DMD: variants seen among roughly 807,000 people sequenced by gnomAD.
DMD encodes dystrophin.
In DMD, 63 loss-of-function variants were observed where a neutral mutation model predicts 330.1. That is an observed-to-expected ratio of 0.19 (90% CI 0.16 to 0.24). The LOEUF (loss-of-function observed/expected upper bound fraction) is 0.24, where lower values mean the gene tolerates loss of function less well. Ranked by LOEUF, DMD falls within the 10% of genes least tolerant of loss-of-function variation. DMD has a pLI of 1.00. For missense variants in DMD, 3,344 were observed against 2,684.1 expected, an observed-to-expected ratio of 1.25 and a Z score of -5.43; for synonymous variants, 1,223 against 959.8, an observed-to-expected ratio of 1.27 and a Z score of -5.07.
At chrX:32,687,089 A>G (rs180736029) in intron 9 of DMD, among the ~76,000 whole-genome samples, 1 of 112,312 alleles carries the variant, frequency 8.9e-6, no homozygotes, top group East Asian at 2.8e-4. Flanking sequence ...CATTTGTGCT[A>G]GAAAGCAATT....
rs1347148305 is a variant in DMD at position 32,505,790 on chromosome X, A to C, written c.2293-3948T>G. ...TAGATGAATGGATAAATAAACTGTG[A>C]GACATCCAGACAATGGAATATTATT... On this transcript the variant is annotated intron_variant, in intron 18 of 78. Transcript: ENST00000357033. Among the ~76,000 whole-genome samples, 4 of 112,069 alleles carry C rather than the reference A, an allele frequency of 3.6e-5. No homozygotes were observed. In the East Asian group the frequency reaches 1.1e-3, roughly 31 times the overall value.
rs763195508 is a variant in DMD at position 32,717,715 on chromosome X, C to T, written c.650-18422G>A. On this transcript the variant is annotated intron_variant, in intron 7 of 78. Coordinates refer to ENST00000357033, the MANE Select transcript of DMD (RefSeq NM_004006.3). The stretch of plus-strand genomic sequence containing the variant: ...GTTTGCACCATACACCTGGAAAAGC[C>T]CCAGTCACTCAATGCCAGCCCATGA... 2.5e-3 allele frequency among the ~76,000 whole-genome samples: 276 copies of T among 110,972 alleles called. 3 individuals carry two copies. The highest frequency in any genetic ancestry group is 8.4e-3 in the African/African-American group (258 of 30,555).
intron 44 of DMD, among the ~76,000 whole-genome samples, chrX:32,171,601 T>G (rs112889549): frequency 0.095 from 10,551 of 111,078 alleles, 494 homozygotes; most frequent in African/African-American, 0.18. Flanking sequence ...CACTAAGAAT[T>G]CTCTGTAATG....
intron 33 of DMD, among the ~76,000 whole-genome samples, chrX:32,383,368 T>C (rs1369732654): frequency 9.0e-6 from 1 of 111,430 alleles, no homozygotes; most frequent in East Asian, 2.8e-4. Flanking sequence ...ATTCTGAAGA[T>C]GGTTAAAATA....
At chrX:32,803,754 C>A (rs182638050) in intron 7 of DMD, among the ~76,000 whole-genome samples, 34 of 112,233 alleles carry the variant, frequency 3.0e-4, no homozygotes, top group Non-Finnish European at 5.6e-4. Flanking sequence ...TGTTCAGCTT[C>A]CATGTAGTTG....
chrX:31,705,010 AG>A (rs768534718), intron 52 of DMD, among the ~76,000 whole-genome samples: 56 of 112,491 alleles, frequency 5.0e-4, no homozygotes, highest in African/African-American at 1.7e-3. Context: ...AAACTAAAAA[AG>A]AAAATTTTCA....
chrX:32,603,708 T>G (rs775108925), intron 12 of DMD, among the ~76,000 whole-genome samples: 7 of 110,984 alleles, frequency 6.3e-5, no homozygotes, highest in Admixed American at 1.9e-4. Flanking sequence ...CGAAAGATTA[T>G]CAGACTACTA....
intron 16 of DMD, among the ~76,000 whole-genome samples, chrX:32,559,529 G>A (rs996121607): frequency 1.8e-5 from 2 of 111,320 alleles, no homozygotes; most frequent in Admixed American, 9.6e-5. Flanking sequence ...AAGAAGAGAG[G>A]CAAACCATTT....
intron 45 of DMD, among the ~76,000 whole-genome samples, chrX:31,935,239 A>C (rs2094908869): frequency 1.8e-5 from 2 of 111,884 alleles, no homozygotes; most frequent in South Asian, 7.4e-4. Flanking sequence ...CCCTTACCAC[A>C]AACTGCACTC....
intron 43 of DMD, among the ~76,000 whole-genome samples, chrX:32,278,910 C>G (rs147891100): frequency 0.011 from 1,185 of 111,452 alleles, 13 homozygotes; most frequent in African/African-American, 0.037. Context: ...TGCAAATTAC[C>G]CATCTCACAA....
intron 16 of DMD, among the ~76,000 whole-genome samples, 191 bp from the exon 17 acceptor site, chrX:32,545,525 C>A (rs1253035562): frequency 8.9e-6 from 1 of 111,734 alleles, no homozygotes; most frequent in African/African-American, 3.2e-5. Context: ...ACTGAAATAG[C>A]AAGGGAAAGT....
chrX:31,858,099 G>T (rs974561524), intron 48 of DMD, among the ~76,000 whole-genome samples: 3 of 110,580 alleles, frequency 2.7e-5, no homozygotes, highest in Non-Finnish European at 5.7e-5. Flanking sequence ...ACTTTGCCTA[G>T]TAGATGATAG....
intron 52 of DMD, 72 bp from the exon 53 acceptor site, chrX:31,679,658 C>A: frequency 1.2e-6 from 1 of 866,040 alleles, no homozygotes. Flanking sequence ...ATGTAACTTC[C>A]AAACGTTATC....
At chrX:32,217,957 T>C (rs1603628508) in intron 43 of DMD, among the ~76,000 whole-genome samples, 1 of 111,925 alleles carries the variant, frequency 8.9e-6, no homozygotes, top group East Asian at 2.8e-4. Flanking sequence ...CTTTAATCCT[T>C]CTTATTTTAT....
At chrX:32,718,062 T>G (rs1384796475) in intron 7 of DMD, among the ~76,000 whole-genome samples, 4 of 111,301 alleles carry the variant, frequency 3.6e-5, no homozygotes, top group Non-Finnish European at 7.5e-5. Context: ...GACTGTGGAC[T>G]TTTGAACTAA....
intron 9 of DMD, among the ~76,000 whole-genome samples, chrX:32,674,751 G>C (rs1209217847): frequency 9.0e-6 from 1 of 111,161 alleles, no homozygotes; most frequent in Non-Finnish European, 1.9e-5. Context: ...AAGATCTGCT[G>C]AGGGAAGCCG....
intron 53 of DMD, among the ~76,000 whole-genome samples, chrX:31,660,322 C>G (rs1445544264): frequency 8.9e-6 from 1 of 112,165 alleles, no homozygotes; most frequent in African/African-American, 3.2e-5. Flanking sequence ...TTTGAAAGCC[C>G]TTCTGAGGGA....
At chrX:32,108,447 A>T (rs1055417375) in intron 44 of DMD, among the ~76,000 whole-genome samples, 1 of 111,962 alleles carries the variant, frequency 8.9e-6, no homozygotes, top group Admixed American at 9.5e-5. Context: ...TAGAAACAGG[A>T]TTGTTACTCG....
At chrX:32,771,085 G>A (rs1177353676) in intron 7 of DMD, among the ~76,000 whole-genome samples, 1 of 111,947 alleles carries the variant, frequency 8.9e-6, no homozygotes, top group Non-Finnish European at 1.9e-5. Context: ...CAATGAGCCT[G>A]GATCTGACTA....
Sources: allele counts gnomAD v4.1 joint callset (sites outside exome capture counted in the v4.1 genomes callset), GRCh38; gene constraint gnomAD v4.1.1; transcripts MANE v1.5; gene names NCBI Gene and HGNC (gene_info 2026-07-23, HGNC 2026-07-21).